The following CMTM2 variants were observed in gnomAD, a reference collection of about 807,000 sequenced individuals.
CMTM2 encodes the protein CKLF like MARVEL transmembrane domain containing 2, also known as CKLF-like MARVEL transmembrane domain-containing protein 2.
Under a neutral mutation model 16.8 loss-of-function variants are expected in CMTM2, and 15 were observed. The ratio of observed to expected loss-of-function variants is 0.89; its 90% CI spans 0.60 to 1.37. The LOEUF is 1.37. Ranked by LOEUF, CMTM2 falls within the 40% of genes most tolerant of loss-of-function variation. CMTM2 has a pLI of 0.00. For synonymous variants in CMTM2, 117 were observed against 118.7 expected (o/e 0.99, Z 0.09); for missense variants, 282 against 318.0 (o/e 0.89, Z 0.86).
chr16:66,580,297 G>A, intron 2 of CMTM2, 113 bp downstream of exon 2: 1 of 1,204,130 alleles, frequency 8.3e-7, no homozygotes, highest in Non-Finnish European at 1.2e-6. Flanking sequence ...ATCTGTGCCT[G>A]GGTCAGGGAC....
chr16:66,582,995 C>T (rs1193483579), intron 2 of CMTM2, among the ~76,000 whole-genome samples: 2 of 152,176 alleles, frequency 1.3e-5, no homozygotes, highest in African/African-American at 4.8e-5. Flanking sequence ...TTGTATTCAA[C>T]ATTGTGATAG....
chr16:66,581,501 G>A (rs1207794813), intron 2 of CMTM2, among the ~76,000 whole-genome samples: 1 of 152,182 alleles, frequency 6.6e-6, no homozygotes, highest in Non-Finnish European at 1.5e-5. Context: ...CAAAGTATGA[G>A]TGGGAATGGT....
intron 2 of CMTM2, among the ~76,000 whole-genome samples, chr16:66,581,958 G>C (rs953952758): frequency 2.6e-5 from 4 of 151,892 alleles, no homozygotes; most frequent in Non-Finnish European, 4.4e-5. Flanking sequence ...CACAATCAAG[G>C]CATGAAGAGA....
rs934164394 is a variant in CMTM2 at position 66,579,846 on chromosome 16, AAG to A, written c.242_243del (p.Glu81ValfsTer8). On this transcript the variant is annotated frameshift_variant, in exon 1 of 4. Coordinates refer to ENST00000268595, the MANE Select transcript of CMTM2 (RefSeq NM_144673.3). LOFTEE classifies it high-confidence loss of function. This position sits in a 1 kb window ranked among gnomAD's most constrained non-coding sequence, Gnocchi z 6.5. Reference sequence around the variant, plus strand: ...CGGTGGGAATTAAAAGACAGCAATAAAGAGTTCTGGCTCTTGGGGCACGCTGA... The same window carrying A: ...CGGTGGGAATTAAAAGACAGCAATAAAGTTCTGGCTCTTGGGGCACGCTGA... The A allele has an allele frequency of 6.2e-7, 1 of 1,613,652 alleles. No homozygotes were observed. Among genetic ancestry groups the A allele is most frequent in the Non-Finnish European group, 8.5e-7 (1 of 1,179,968 alleles).
chr16:66,581,416 G>A (rs1004615455), intron 2 of CMTM2, among the ~76,000 whole-genome samples: 1 of 152,126 alleles, frequency 6.6e-6, no homozygotes, highest in African/African-American at 2.4e-5. Flanking sequence ...TTAACTGAAT[G>A]AATGAGCTGG....
intron 3 of CMTM2, among the ~76,000 whole-genome samples, 160 bp from the exon 4 acceptor site, chr16:66,587,759 G>C (rs1475929638): frequency 6.6e-6 from 1 of 152,180 alleles, no homozygotes; most frequent in Non-Finnish European, 1.5e-5. Context: ...GGCAAAGGCT[G>C]AGGGAGTAGG....
intron 2 of CMTM2, among the ~76,000 whole-genome samples, chr16:66,585,624 G>A (rs976540967): frequency 2.0e-5 from 3 of 152,092 alleles, no homozygotes; most frequent in Admixed American, 2.0e-4. Flanking sequence ...GAGGCATGAG[G>A]GACAGGAAAA....
chr16:66,587,984 A>G lies in CMTM2; in HGVS notation c.612A>G (p.Arg204=). The part of the protein sequence containing the change: ...IDVCLQRNHF[R]GKKAKKHMLV... ...TGTGTCTTCAAAGAAACCACTTCAG[A>G]GGCAAGAAGGCCAAAAAGCATATGC... The change falls in exon 4 of 4, where the codon AGA becomes AGG. Residue 204 remains arginine (R), a synonymous_variant. Transcript: ENST00000268595. 2 of 1,614,184 alleles carry G rather than the reference A, an allele frequency of 1.2e-6. No homozygotes were observed. Among genetic ancestry groups the G allele is most frequent in the Non-Finnish European group, 1.7e-6 (2 of 1,180,034 alleles).
chr16:66,586,853 C>T (rs953529155), intron 2 of CMTM2, 144 bp from the exon 3 acceptor site: 115 of 643,134 alleles, frequency 1.8e-4, no homozygotes, highest in Non-Finnish European at 3.1e-4. Context: ...CCACCTAGCC[C>T]GGTGTGTGTT....
intron 2 of CMTM2, among the ~76,000 whole-genome samples, chr16:66,583,202 A>AT (rs1395511093): frequency 6.6e-6 from 1 of 152,018 alleles, no homozygotes; most frequent in African/African-American, 2.4e-5. Flanking sequence ...GAAACATAGG[A>AT]TTTTTTTGGC....
In CMTM2 at chr16:66,587,380, A is replaced by T. The variant is rs113071815; in HGVS notation, c.546+282A>T. ...ACAAAATTTACAAAATTTAGTAGAA[A>T]ATGTATTTTCTACTAAAAATACAAA... On this transcript the variant is annotated intron_variant, in intron 3 of 3. Coordinates refer to ENST00000268595, the MANE Select transcript of CMTM2 (RefSeq NM_144673.3). 7.8e-3 allele frequency among the ~76,000 whole-genome samples: 1,182 copies of T among 152,154 alleles called. 20 individuals are homozygous for T. The highest frequency in any genetic ancestry group is 0.027 in the African/African-American group (1,132 of 41,508).
rs374324641 is a variant in CMTM2, at chr16:66,580,236, G to A, written c.444+52G>A. ...TGCATCCAGAATGCTGATCAGGTGT[G>A]TCTTGGCACCTGGAAAGTCACCAAA... On this transcript the variant is annotated intron_variant, in intron 2 of 3. Transcript: ENST00000268595. 16 of 1,591,724 alleles carry A rather than the reference G, an allele frequency of 1.0e-5. No individual in the cohort carries two copies. The East Asian group carries it at 2.7e-4, about 27-fold the overall frequency.
chr16:66,581,169 CT>C (rs1312455594), intron 2 of CMTM2, among the ~76,000 whole-genome samples: 2 of 151,708 alleles, frequency 1.3e-5, no homozygotes, highest in African/African-American at 4.8e-5. Flanking sequence ...ATCCAGAGGT[CT>C]TGGTGAAGCA....
At chr16:66,586,699 G>A (rs1443718007) in intron 2 of CMTM2, among the ~76,000 whole-genome samples, 1 of 152,096 alleles carries the variant, frequency 6.6e-6, no homozygotes, top group Non-Finnish European at 1.5e-5. Flanking sequence ...AGGAGACATA[G>A]GCAGAAACCA....
At position 66,586,913 on chromosome 16, in the gene CMTM2, C is replaced by A. The variant is rs552851752; in HGVS notation, c.445-84C>A. ...TCAGGTGGAAATTTGCAAATCATTC[C>A]TTTGGAGGAAGCTAGCCAGGGTGCA... On this transcript the variant is annotated intron_variant, in intron 2 of 3. Transcript: ENST00000268595. The A allele has an allele frequency of 5.5e-5, 51 of 931,876 alleles. No individual in the cohort carries two copies. The South Asian group carries it at 6.5e-4, about 12-fold the overall frequency. The allele number at this position is 931,876 out of a possible 1,614,324, so 57.7% of individuals were successfully genotyped here.
At chr16:66,580,545 C>T (rs887044698) in intron 2 of CMTM2, 5 of 221,080 alleles carry the variant, frequency 2.3e-5, no homozygotes, top group Admixed American at 1.0e-4. Flanking sequence ...CCCAGAAGGA[C>T]CCCATTCCCA....
Position 66,580,185 on chromosome 16 carries a change from G to GT in CMTM2, c.444+2dup, listed in dbSNP as rs908738542. 12 of 1,613,962 alleles carry GT rather than the reference G, an allele frequency of 7.4e-6. No individual in the cohort carries two copies. The highest frequency in any genetic ancestry group is 1.0e-5 in the Non-Finnish European group (12 of 1,179,986). The stretch of plus-strand genomic sequence containing the variant: ...ACCCTTCATCCTGTGGCCCATTTCT[G>GT]TAAGTAAGGGGTGATGGGGAGTGCC... On this transcript the variant is annotated splice_donor_variant, in intron 2 of 3. Transcript: ENST00000268595. LOFTEE classifies it high-confidence loss of function.
intron 2 of CMTM2, 155 bp downstream of exon 2, chr16:66,580,339 G>A: frequency 1.3e-6 from 1 of 772,550 alleles, no homozygotes; most frequent in African/African-American, 1.7e-5. Context: ...GGCAGAGGCA[G>A]CTGGGTGCAA....
chr16:66,588,124 G>A lies in CMTM2; in HGVS notation c.*5G>A. ...CCAGCAAAGGGAAAGAAATGACTTG[G>A]AGGAGGCTCCTGGTGTCTGAAACGG... is the stretch of plus-strand genomic sequence containing the variant. On this transcript the variant is annotated 3_prime_UTR_variant, in exon 4 of 4. Coordinates refer to ENST00000268595, the MANE Select transcript of CMTM2 (RefSeq NM_144673.3). The A allele has an allele frequency of 6.2e-7, 1 of 1,612,306 alleles. No individual in the cohort carries two copies.
Sources: allele counts gnomAD v4.1 joint callset (sites outside exome capture counted in the v4.1 genomes callset), GRCh38; gene constraint gnomAD v4.1.1; non-coding constraint Gnocchi (gnomAD v3.1); transcripts MANE v1.5; gene names NCBI Gene and HGNC (gene_info 2026-07-23, HGNC 2026-07-21).